Variants in RARB observed in about 807,000 individuals in gnomAD.
The protein encoded by RARB is retinoic acid receptor beta.
In RARB, 17 loss-of-function variants were observed where a neutral mutation model predicts 51.9. That is an observed-to-expected ratio of 0.33 (90% confidence interval 0.22 to 0.49). RARB has a LOEUF of 0.49. RARB is among the 20% of genes least tolerant of loss of function. The probability of loss-of-function intolerance (pLI) is 0.99; values close to 1 mark genes in which losing one functional copy is unlikely to be tolerated. For missense variants in RARB, 369 were observed against 550.8 expected, an observed-to-expected ratio of 0.67 and a Z score of 3.30; for synonymous variants, 215 against 195.4, an observed-to-expected ratio of 1.10 and a Z score of -0.84.
At chr3:25,538,363 T>G (rs1699229527) in intron 3 of RARB, among the ~76,000 whole-genome samples, 1 of 152,026 alleles carries the variant, frequency 6.6e-6, no homozygotes, top group Non-Finnish European at 1.5e-5. Context: ...TGCGGGCTCC[T>G]TTTTTTTGCT....
intron 2 of RARB, among the ~76,000 whole-genome samples, chr3:25,054,141 T>G (rs1559449110): frequency 2.0e-5 from 3 of 152,162 alleles, no homozygotes; most frequent in Non-Finnish European, 4.4e-5. Flanking sequence ...GTGAGACTTG[T>G]GTTGAAAGAA....
intron 3 of RARB, among the ~76,000 whole-genome samples, chr3:25,083,854 A>C (rs1414340220): frequency 1.3e-5 from 2 of 152,098 alleles, no homozygotes; most frequent in Admixed American, 1.3e-4. Flanking sequence ...AAGTAGCTTT[A>C]TTTTAGGGTT....
At chr3:25,397,023 C>T (rs1018097364) in intron 5 of RARB, among the ~76,000 whole-genome samples, 5 of 152,152 alleles carry the variant, frequency 3.3e-5, no homozygotes, top group Non-Finnish European at 5.9e-5. Context: ...TGGTTTCTTG[C>T]GCGCATATCT....
intron 2 of RARB, among the ~76,000 whole-genome samples, chr3:25,041,637 A>G (rs1432065567): frequency 6.6e-6 from 1 of 151,874 alleles, no homozygotes; most frequent in African/African-American, 2.4e-5. Context: ...TTTTTTAATC[A>G]CTGCTCTTAT....
chr3:25,152,509 T>C (rs912878983), intron 4 of RARB, among the ~76,000 whole-genome samples: 2 of 152,198 alleles, frequency 1.3e-5, no homozygotes, highest in African/African-American at 4.8e-5. Context: ...TAAACTATTC[T>C]TCATTTGATA....
intron 2 of RARB, among the ~76,000 whole-genome samples, chr3:24,987,407 G>A (rs9683098): frequency 6.6e-5 from 10 of 152,320 alleles, no homozygotes; most frequent in African/African-American, 2.4e-4. Context: ...TTAAGAAGGA[G>A]AAATGGTGCA....
At chr3:24,976,900 C>T (rs556477501) in intron 2 of RARB, among the ~76,000 whole-genome samples, 7 of 152,254 alleles carry the variant, frequency 4.6e-5, no homozygotes, top group African/African-American at 1.7e-4. Context: ...TGAGGTCTAA[C>T]ATTTAAGTCT....
At chr3:25,418,515 T>C (rs761694041) in intron 5 of RARB, among the ~76,000 whole-genome samples, 1 of 151,904 alleles carries the variant, frequency 6.6e-6, no homozygotes, top group African/African-American at 2.4e-5. Context: ...AGCAGATAAA[T>C]ATAGAGCCAA....
At chr3:25,060,458 A>G (rs1698526414) in intron 3 of RARB, among the ~76,000 whole-genome samples, 1 of 151,850 alleles carries the variant, frequency 6.6e-6, no homozygotes, top group South Asian at 2.1e-4. Context: ...ATAAGGGGCC[A>G]GATAGTGAAT....
chr3:24,988,695 C>A (rs1696846852), intron 2 of RARB, among the ~76,000 whole-genome samples: 1 of 152,150 alleles, frequency 6.6e-6, no homozygotes. Flanking sequence ...ATTATGTATG[C>A]AATGATATCA....
At chr3:25,057,670 G>A (rs954738997) in intron 2 of RARB, among the ~76,000 whole-genome samples, 5 of 151,966 alleles carry the variant, frequency 3.3e-5, no homozygotes, top group Non-Finnish European at 7.4e-5. Context: ...TTTTGTTTCA[G>A]TTTCTTGGCT....
chr3:25,163,620 A>G (rs963415167), intron 4 of RARB, among the ~76,000 whole-genome samples: 3 of 151,530 alleles, frequency 2.0e-5, no homozygotes, highest in Non-Finnish European at 4.4e-5. Flanking sequence ...ATCAAGGAAC[A>G]CACAGAAATT....
intron 4 of RARB, among the ~76,000 whole-genome samples, chr3:25,153,132 C>CAG (rs1559484714): frequency 1.9e-5 from 2 of 102,938 alleles, no homozygotes; most frequent in African/African-American, 6.8e-5. Flanking sequence ...GTAATAGAGG[C>CAG]AGAGTGTGTG....
At chr3:25,119,047 T>C (rs767636693) in intron 3 of RARB, among the ~76,000 whole-genome samples, 2 of 152,200 alleles carry the variant, frequency 1.3e-5, no homozygotes, top group African/African-American at 2.4e-5. Context: ...TTAAAATTTT[T>C]ACCAATATCC....
chr3:25,395,541 T>C (rs1707090242), intron 5 of RARB, among the ~76,000 whole-genome samples: 1 of 152,196 alleles, frequency 6.6e-6, no homozygotes, highest in Non-Finnish European at 1.5e-5. Context: ...CACCAATTAT[T>C]CATAGGTTTG....
At chr3:24,917,249 A>G (rs1387031941) in intron 2 of RARB, among the ~76,000 whole-genome samples, 3 of 152,360 alleles carry the variant, frequency 2.0e-5, no homozygotes, top group East Asian at 3.9e-4. Flanking sequence ...AAAAAACTTC[A>G]TGACCTTAGG....
intron 3 of RARB, among the ~76,000 whole-genome samples, chr3:25,516,631 C>CTTTTTTTTTTTTTTTTT (rs559135603): frequency 0.021 from 2,737 of 130,566 alleles, 280 homozygotes; most frequent in African/African-American, 0.081. Flanking sequence ...ATTTCCTTGT[C>CTTTTTTTTTTTTTTTTT]TTTTTTTTTT....
rs559037230 is a variant in RARB, at chr3:25,083,643, T to C, written c.-328+23467T>C. Among the ~76,000 whole-genome samples the C allele has an allele frequency of 2.0e-5, 3 of 152,330 alleles. No individual in the cohort carries two copies. The South Asian group carries it at 6.2e-4, about 32-fold the overall frequency. ...CTGTCATGTCTGGGTTTCTGTATTC[T>C]GTTTTGTTTCTCATGATTATTTTTT... On this transcript the variant is annotated intron_variant, in intron 3 of 11. Transcript: ENST00000383772.
chr3:24,903,904 C>G (rs891968271), intron 2 of RARB, among the ~76,000 whole-genome samples: 1 of 152,106 alleles, frequency 6.6e-6, no homozygotes, highest in African/African-American at 2.4e-5. Flanking sequence ...GTATAGTGAT[C>G]TAGATACCTA....
Sources: gnomAD v4.1 joint callset for allele counts (sites outside exome capture counted in the v4.1 genomes callset) on GRCh38, gnomAD v4.1.1 for gene constraint, MANE v1.5 for transcripts, NCBI Gene and HGNC (gene_info 2026-07-23, HGNC 2026-07-21) for gene names.